ECH1: variants seen among roughly 807,000 people sequenced by gnomAD.
ECH1 encodes enoyl-CoA hydratase 1.
ECH1 carries 30 observed loss-of-function variants against 37.0 expected under a neutral mutation model. That is an observed-to-expected ratio of 0.81 (90% CI 0.61 to 1.10). The LOEUF (loss-of-function observed/expected upper bound fraction) is 1.10, where lower values mean the gene tolerates loss of function less well. Ranked by LOEUF, ECH1 falls within the 50% of genes least tolerant of loss-of-function variation. The pLI, the probability that ECH1 is intolerant of heterozygous loss-of-function variation, is 0.00. For synonymous variants in ECH1, 178 were observed against 176.0 expected (o/e 1.01, Z -0.09); for missense variants, 456 against 441.6 (o/e 1.03, Z -0.29).
chr19:38,825,495 C>T (rs761990036), intron 3 of ECH1, among the ~76,000 whole-genome samples: 6 of 152,130 alleles, frequency 3.9e-5, no homozygotes, highest in East Asian at 1.9e-4. Context: ...TCCAATCAGC[C>T]GCAGATATCA....
rs1166869699 is a variant in ECH1, at chr19:38,831,760, T to A, written c.13A>T (p.Ile5Leu). Reference protein sequence around the residue: MAAGIVASRRLRDLL... With the variant: MAAGLVASRRLRDLL... ...TCGCGGAGTCTGCGAGAAGCCACTA[T>A]CCCCGCCGCCATCGCCGCCGCCTTC... is the stretch of plus-strand genomic sequence containing the variant. Residue 5 changes from isoleucine to leucine, a missense_variant, in exon 1 of 10, where the codon ATA becomes TTA. Coordinates refer to ENST00000221418, the MANE Select transcript of ECH1 (RefSeq NM_001398.3). The A allele has an allele frequency of 2.8e-5, 45 of 1,612,264 alleles. No individual in the cohort carries two copies. The highest frequency in any genetic ancestry group is 3.5e-5 in the Non-Finnish European group (41 of 1,179,602).
intron 3 of ECH1, among the ~76,000 whole-genome samples, chr19:38,828,657 C>T (rs1164611918): frequency 1.3e-5 from 2 of 151,968 alleles, no homozygotes; most frequent in African/African-American, 4.8e-5. Flanking sequence ...GCTATGTCAC[C>T]CAGGCTGGAG....
chr19:38,815,423 TCTTTA>T lies in ECH1; in HGVS notation c.*185_*189del, dbSNP rs200875247. ...CCTCTATCCAAGAAGGGCACCAGGT[TCTTTA>T]CTTTGCTTTATTGTTTGTGGGGTGA... On this transcript the variant is annotated 3_prime_UTR_variant, in exon 10 of 10. Transcript: ENST00000221418. 5.1e-3 allele frequency: 3,091 copies of T among 600,596 alleles called. 73 individuals carry two copies. The highest frequency in any genetic ancestry group is 0.048 in the African/African-American group (2,572 of 53,828). 37.2% of individuals were successfully genotyped at this position (600,596 alleles called of 1,614,324 possible).
rs537740864 is a variant in ECH1, at chr19:38,820,874, G to A, written c.350-3299C>T. 6.6e-5 allele frequency among the ~76,000 whole-genome samples: 10 copies of A among 152,288 alleles called. No individual in the cohort carries two copies. The South Asian group carries it at 1.5e-3, about 22-fold the overall frequency. On this transcript the variant is annotated intron_variant, in intron 3 of 9. Transcript: ENST00000221418. ...GGGTCAGGAATCGGGGCTGCTTCCC[G>A]TTTCCACATCTGCAGCACCCAGGAG...
rs766823759 is a variant in ECH1, at chr19:38,831,121, A to G, written c.306T>C (p.Cys102=). The change falls in exon 3 of 10, where the codon TGT becomes TGC. Residue 102 remains cysteine, a synonymous_variant. Transcript: ENST00000221418. ...CTGCACCAGAGATCACCACCGCCCG[A>G]CAGTCAGCGTCTCTCGAAATCTTGT... is the stretch of plus-strand genomic sequence containing the variant. ...CFNKISRDAD[C]RAVVISGAGK... The G allele has an allele frequency of 3.7e-6, 6 of 1,614,022 alleles. 1 individual carries two copies. The Admixed American group carries it at 6.7e-5, about 18-fold the overall frequency.
In ECH1 at chr19:38,817,309, G is replaced by C. The variant is rs1478423256; in HGVS notation, c.523+7C>G. The stretch of plus-strand genomic sequence containing the variant: ...GCACCCGAGCAGGAGGATAGCCGCA[G>C]ACTCACCTCCGCCAATGCAGCCCCC... On this transcript the variant is annotated splice_region_variant and intron_variant, in intron 5 of 9. Coordinates refer to ENST00000221418, the MANE Select transcript of ECH1 (RefSeq NM_001398.3). 6.5e-7 allele frequency: 1 copy of C among 1,550,240 alleles called. No individual in the cohort carries two copies. Among genetic ancestry groups the C allele is most frequent in the Non-Finnish European group, 8.7e-7 (1 of 1,144,264 alleles).
chr19:38,816,981 C>T, intron 6 of ECH1, 84 bp downstream of exon 6: 3 of 1,452,250 alleles, frequency 2.1e-6, no homozygotes, highest in Non-Finnish European at 2.8e-6. Context: ...CCGACTCTTC[C>T]ATGAAGCCCT....
At chr19:38,817,729 C>A in intron 3 of ECH1, 154 bp from the exon 4 acceptor site, 1 of 985,320 alleles carries the variant, frequency 1.0e-6, no homozygotes, top group Non-Finnish European at 1.2e-6. Context: ...GGATTGATTG[C>A]ATGTTGGGTG....
intron 7 of ECH1, 28 bp from the exon 8 acceptor site, chr19:38,816,383 C>T (rs781499687): frequency 5.0e-6 from 8 of 1,613,714 alleles, no homozygotes; most frequent in East Asian, 2.2e-5. Flanking sequence ...CATCAGGAGG[C>T]GGCTGCCACC....
intron 3 of ECH1, among the ~76,000 whole-genome samples, chr19:38,829,215 G>A (rs1056931071): frequency 4.0e-5 from 6 of 150,036 alleles, no homozygotes; most frequent in Non-Finnish European, 8.9e-5. Context: ...AATCTGGGAG[G>A]TGGAGGTTGC....
chr19:38,831,699 C>T (rs1189894779), intron 1 of ECH1, 22 bp downstream of exon 1: 1 of 1,613,702 alleles, frequency 6.2e-7, no homozygotes, highest in Non-Finnish European at 8.5e-7. Flanking sequence ...GACGCACCCC[C>T]ATAAGGCAAG....
At chr19:38,828,946 A>C (rs1971777070) in intron 3 of ECH1, among the ~76,000 whole-genome samples, 1 of 150,976 alleles carries the variant, frequency 6.6e-6, no homozygotes. Flanking sequence ...TAAATCAGTC[A>C]TTATAACTAT....
At chr19:38,816,576 G>A (rs1568356150) in intron 6 of ECH1, 53 bp from the exon 7 acceptor site, 4 of 1,594,412 alleles carry the variant, frequency 2.5e-6, no homozygotes, top group African/African-American at 1.3e-5. Context: ...TGTGCCCCTC[G>A]CAATGTCAAC....
Position 38,816,446 on chromosome 19 carries a change from C to T in ECH1, c.659+7G>A. 1 of 1,614,138 alleles carries T rather than the reference C, an allele frequency of 6.2e-7. No homozygotes were observed. Among genetic ancestry groups the T allele is most frequent in the Non-Finnish European group, 8.5e-7 (1 of 1,180,010 alleles). On this transcript the variant is annotated splice_region_variant and intron_variant, in intron 7 of 9. Transcript: ENST00000221418. ...CCTGCCCACACCCCCACACCCCCTG[C>T]ACCCACCTCTGGTTCCCGATGACCT...
intron 3 of ECH1, among the ~76,000 whole-genome samples, chr19:38,819,828 T>G (rs1038450765): frequency 6.6e-6 from 1 of 151,908 alleles, no homozygotes; most frequent in Non-Finnish European, 1.5e-5. Context: ...CATGGTCACC[T>G]GTAATCCCAG....
intron 1 of ECH1, 86 bp downstream of exon 1, chr19:38,831,635 G>T: frequency 6.3e-7 from 1 of 1,584,836 alleles, no homozygotes; most frequent in Non-Finnish European, 8.6e-7. Flanking sequence ...CGGGCCCTTC[G>T]TGACCCCGGA....
intron 3 of ECH1, among the ~76,000 whole-genome samples, chr19:38,830,735 G>A (rs568532797): frequency 6.6e-6 from 1 of 152,050 alleles, no homozygotes; most frequent in Non-Finnish European, 1.5e-5. Context: ...AGCACTTTGG[G>A]AGGCTGAGGC....
intron 3 of ECH1, among the ~76,000 whole-genome samples, chr19:38,819,846 G>A (rs936133455): frequency 1.3e-5 from 2 of 152,002 alleles, no homozygotes; most frequent in East Asian, 2.0e-4. Flanking sequence ...CAGCACTTTC[G>A]GAGGCTGAGG....
intron 5 of ECH1, 90 bp from the exon 6 acceptor site, chr19:38,817,219 C>G: frequency 6.5e-7 from 1 of 1,546,216 alleles, no homozygotes; most frequent in South Asian, 1.2e-5. Flanking sequence ...CACAGTCTGG[C>G]CCATGACAGA....
Sources: gnomAD v4.1 joint callset for allele counts (sites outside exome capture counted in the v4.1 genomes callset) on GRCh38, gnomAD v4.1.1 for gene constraint, MANE v1.5 for transcripts, NCBI Gene and HGNC (gene_info 2026-07-23, HGNC 2026-07-21) for gene names.